Variants in PVALEF observed in about 807,000 individuals in gnomAD.
PVALEF encodes parvalbumin like EF-hand containing, also known as parvalbumin-like EF-hand-containing protein.
PVALEF carries 2 observed loss-of-function variants against 1.2 expected under a neutral mutation model. The ratio of observed to expected loss-of-function variants is 1.68; its 90% CI spans 0.69 to 5.28. The LOEUF is 5.28. Ranked by LOEUF, PVALEF falls within the 30% of genes most tolerant of loss-of-function variation. The pLI is 0.06. For missense variants in PVALEF, 35 were observed against 17.7 expected (o/e 1.97, Z -1.75); for synonymous variants, 16 against 6.5 (o/e 2.47, Z -2.24).
At chr17:81,181,802 G>A in intron 5 of PVALEF, 108 bp downstream of exon 5, 2 of 398,202 alleles carry the variant, frequency 5.0e-6, no homozygotes, top group Non-Finnish European at 8.8e-6. Flanking sequence ...TGGCCTTGCA[G>A]CTGGCAGGGC....
chr17:81,165,874 C>A, intron 1 of PVALEF, 127 bp downstream of exon 1: 2 of 1,546,082 alleles, frequency 1.3e-6, no homozygotes, highest in South Asian at 2.4e-5. Flanking sequence ...CCGTGGGGCC[C>A]AGGGGCATCA....
At chr17:81,166,234 G>A (rs1466187374) in intron 1 of PVALEF, among the ~76,000 whole-genome samples, 1 of 136,436 alleles carries the variant, frequency 7.3e-6, no homozygotes, top group Admixed American at 7.1e-5. Context: ...AAACGCGGGC[G>A]GGAGCGCGCG....
chr17:81,166,011 C>G (rs369695520), intron 1 of PVALEF: 2 of 1,542,518 alleles, frequency 1.3e-6, no homozygotes, highest in Admixed American at 2.0e-5. Context: ...CAGCGGCCGG[C>G]GGGCATCCCG....
intron 2 of PVALEF, among the ~76,000 whole-genome samples, chr17:81,174,162 C>T (rs2061529365): frequency 6.6e-6 from 1 of 152,130 alleles, no homozygotes; most frequent in African/African-American, 2.4e-5. Flanking sequence ...GTGATAAAAA[C>T]CATCCATGAA....
At chr17:81,179,833 G>T (rs139666186) in intron 3 of PVALEF, among the ~76,000 whole-genome samples, 1 of 152,310 alleles carries the variant, frequency 6.6e-6, no homozygotes, top group Admixed American at 6.5e-5. Context: ...TGGTCTGAGG[G>T]GTCTTAGCCC....
rs1413328747 is a variant in PVALEF, at chr17:81,165,617, C to G, written c.-638C>G. The G allele has an allele frequency of 7.0e-7, 1 of 1,438,726 alleles. No individual in the cohort carries two copies. The highest frequency in any genetic ancestry group is 9.2e-7 in the Non-Finnish European group (1 of 1,084,316). The allele number at this position is 1,438,726 out of a possible 1,614,324, so 89.1% of individuals were successfully genotyped here. A position where few individuals can be genotyped will look rare whatever the true frequency, so the allele number is the denominator to read the frequency against. On this transcript the variant is annotated 5_prime_UTR_variant, in exon 1 of 7. Coordinates refer to ENST00000637878, the MANE Select transcript of PVALEF (RefSeq NM_001354639.2). ...TGACACCCCCCACACCCCCAAGGGC[C>G]CTTAGTCTGAGACCAACTCTCCTGG...
intron 2 of PVALEF, among the ~76,000 whole-genome samples, chr17:81,177,506 A>G (rs1401152044): frequency 6.6e-6 from 1 of 151,870 alleles, no homozygotes; most frequent in Non-Finnish European, 1.5e-5. Flanking sequence ...AGATCACACT[A>G]TTGCACTCCA....
chr17:81,178,019 T>C (rs2061541248), intron 2 of PVALEF, among the ~76,000 whole-genome samples: 1 of 152,156 alleles, frequency 6.6e-6, no homozygotes, highest in Non-Finnish European at 1.5e-5. Flanking sequence ...CCTCTACACC[T>C]GGCTGGGACG....
At chr17:81,180,014 C>A (rs1264462674) in intron 3 of PVALEF, among the ~76,000 whole-genome samples, 1 of 152,210 alleles carries the variant, frequency 6.6e-6, no homozygotes, top group African/African-American at 2.4e-5. Flanking sequence ...GACATCCCAG[C>A]TCACTGGGAT....
Position 81,165,612 on chromosome 17 carries a change from A to G in PVALEF, c.-643A>G, listed in dbSNP as rs2061478023. ...CTGGCTGACACCCCCCACACCCCCA[A>G]GGGCCCTTAGTCTGAGACCAACTCT... On this transcript the variant is annotated 5_prime_UTR_variant, in exon 1 of 7. Transcript: ENST00000637878. The G allele has an allele frequency of 1.4e-6, 2 of 1,423,092 alleles. No homozygotes were observed. The highest frequency in any genetic ancestry group is 1.9e-6 in the Non-Finnish European group (2 of 1,073,592). 88.2% of individuals were successfully genotyped at this position (1,423,092 alleles called of 1,614,324 possible).
chr17:81,171,691 A>T (rs1356952989), intron 2 of PVALEF, among the ~76,000 whole-genome samples: 2 of 151,980 alleles, frequency 1.3e-5, no homozygotes, highest in African/African-American at 4.8e-5. Context: ...ACGGGGTTTC[A>T]CTGTGTTAGC....
intron 2 of PVALEF, among the ~76,000 whole-genome samples, chr17:81,174,403 T>C (rs1290095378): frequency 1.3e-5 from 2 of 152,016 alleles, no homozygotes; most frequent in African/African-American, 4.8e-5. Context: ...CCAAGGCAGG[T>C]GGATCACCTG....
At chr17:81,170,670 A>G (rs2061517712) in intron 2 of PVALEF, among the ~76,000 whole-genome samples, 1 of 152,172 alleles carries the variant, frequency 6.6e-6, no homozygotes, top group African/African-American at 2.4e-5. Flanking sequence ...TTAGCCAGTT[A>G]TAATAGCGTT....
chr17:81,169,095 G>A (rs189596799), intron 2 of PVALEF, among the ~76,000 whole-genome samples: 8 of 152,322 alleles, frequency 5.3e-5, no homozygotes, highest in Non-Finnish European at 1.0e-4. Flanking sequence ...AAATCCACGG[G>A]ACAGAGCACA....
intron 3 of PVALEF, 124 bp from the exon 4 acceptor site, chr17:81,180,999 G>T: frequency 2.0e-6 from 1 of 503,856 alleles, no homozygotes; most frequent in East Asian, 3.5e-5. Flanking sequence ...GGATGGCCCG[G>T]CCCCTCCCGC....
At position 81,165,628 on chromosome 17, in the gene PVALEF, G is replaced by A. The variant is rs2061478377; in HGVS notation, c.-627G>A. On this transcript the variant is annotated 5_prime_UTR_variant, in exon 1 of 7. Coordinates refer to ENST00000637878, the MANE Select transcript of PVALEF (RefSeq NM_001354639.2). Reference sequence around the variant, plus strand: ...ACACCCCCAAGGGCCCTTAGTCTGAGACCAACTCTCCTGGACACCAGGGGC... The same window carrying A: ...ACACCCCCAAGGGCCCTTAGTCTGAAACCAACTCTCCTGGACACCAGGGGC... The A allele has an allele frequency of 6.9e-7, 1 of 1,458,450 alleles. No homozygotes were observed. The highest frequency in any genetic ancestry group is 9.1e-7 in the Non-Finnish European group (1 of 1,097,330). The allele number at this position is 1,458,450 out of a possible 1,614,324, so 90.3% of individuals were successfully genotyped here. A position where few individuals can be genotyped will look rare whatever the true frequency, so the allele number is the denominator to read the frequency against.
intron 3 of PVALEF, among the ~76,000 whole-genome samples, chr17:81,180,566 C>T (rs1008411751): frequency 1.3e-5 from 2 of 152,208 alleles, no homozygotes; most frequent in Non-Finnish European, 1.5e-5. Flanking sequence ...TCCCTTCCCT[C>T]CTGGCTCCTC....
chr17:81,168,634 C>T (rs1202470364), intron 2 of PVALEF, among the ~76,000 whole-genome samples: 1 of 152,178 alleles, frequency 6.6e-6, no homozygotes. Context: ...TGATCTCCGC[C>T]CCTGGGACTC....
At chr17:81,177,495 G>A (rs920151139) in intron 2 of PVALEF, among the ~76,000 whole-genome samples, 9 of 151,144 alleles carry the variant, frequency 6.0e-5, no homozygotes, top group African/African-American at 1.9e-4. Flanking sequence ...TTGCAGGGCC[G>A]AGATCACACT....
Sources: allele counts gnomAD v4.1 joint callset (sites outside exome capture counted in the v4.1 genomes callset), GRCh38; gene constraint gnomAD v4.1.1; transcripts MANE v1.5; gene names NCBI Gene and HGNC (gene_info 2026-07-23, HGNC 2026-07-21).